The following RUBCN variants were observed in gnomAD, a reference collection of about 807,000 sequenced individuals.
The protein encoded by RUBCN is run domain Beclin-1-interacting and cysteine-rich domain-containing protein.
A neutral mutation model predicts 113.2 loss-of-function variants in RUBCN; 74 were observed. That is an observed-to-expected ratio of 0.65 (90% CI 0.54 to 0.79). RUBCN has a LOEUF of 0.79. Among genes scored for constraint, RUBCN ranks in the 30% least tolerant of loss-of-function variants. The pLI, the probability that RUBCN is intolerant of heterozygous loss-of-function variation, is 0.00. For missense variants in RUBCN, 1,109 were observed against 1,251.7 expected (o/e 0.89, Z 1.72); for synonymous variants, 480 against 490.0 (o/e 0.98, Z 0.27).
chr3:197,748,480 T>C (rs2109028581), intron 1 of RUBCN: 1 of 152,196 alleles, frequency 6.6e-6, no homozygotes, highest in Admixed American at 6.5e-5. Flanking sequence ...CATCTTAACC[T>C]TTGAGAATAA....
At position 197,670,062 on chromosome 3, in the gene RUBCN, T is replaced by C. The variant is rs972795415; in HGVS notation, c.*4956A>G. 7.9e-5 allele frequency among the ~76,000 whole-genome samples: 12 copies of C among 152,182 alleles called. No individual in the cohort carries two copies. The highest frequency in any genetic ancestry group is 1.6e-4 in the Non-Finnish European group (11 of 68,028). ...CGCCATCATGCCCAACTAGCTTTTG[T>C]ATTTTTAGTAGAGACAAGGTTTCAC... On this transcript the variant is annotated 3_prime_UTR_variant, in exon 20 of 20. Coordinates refer to ENST00000296343, the MANE Select transcript of RUBCN (RefSeq NM_014687.4).
intron 1 of RUBCN, among the ~76,000 whole-genome samples, chr3:197,719,134 A>G (rs931335102): frequency 5.3e-5 from 8 of 152,152 alleles, no homozygotes; most frequent in African/African-American, 1.9e-4. Context: ...GACTCTGCAT[A>G]CCTGTGTTCT....
intron 1 of RUBCN, among the ~76,000 whole-genome samples, chr3:197,719,453 G>A (rs1258833273): frequency 6.7e-6 from 1 of 148,876 alleles, no homozygotes; most frequent in East Asian, 2.0e-4. Flanking sequence ...ACTCCAGCCT[G>A]GGCAACAAGT....
intron 2 of RUBCN, among the ~76,000 whole-genome samples, chr3:197,708,871 A>G (rs974396437): frequency 2.0e-5 from 3 of 152,348 alleles, no homozygotes; most frequent in Non-Finnish European, 2.9e-5. Context: ...GTCACTATAA[A>G]GAGTTGATAC....
intron 13 of RUBCN, 99 bp from the exon 14 acceptor site, chr3:197,682,714 CA>C: frequency 6.6e-7 from 1 of 1,522,386 alleles, no homozygotes. Context: ...GAGAAAAACA[CA>C]GTTGGGGTAA....
intron 11 of RUBCN, among the ~76,000 whole-genome samples, chr3:197,688,770 G>A (rs943016167): frequency 2.0e-5 from 3 of 152,200 alleles, no homozygotes; most frequent in Admixed American, 6.5e-5. Context: ...AGTAGATGAC[G>A]TGAAAGACAC....
chr3:197,691,013 G>T, intron 11 of RUBCN: 1 of 903,868 alleles, frequency 1.1e-6, no homozygotes, highest in Non-Finnish European at 1.6e-6. Context: ...ATATACGAAA[G>T]CTGGTGCAAC....
Position 197,669,095 on chromosome 3 carries a change from A to C in RUBCN, c.*5923T>G, listed in dbSNP as rs1475. On this transcript the variant is annotated 3_prime_UTR_variant, in exon 20 of 20. Transcript: ENST00000296343. ...CTTAATCTGGAATAATTTTAGATCC[A>C]CAGTAAAGTTGCAAAGATAGTACAA... 6.6e-6 allele frequency among the ~76,000 whole-genome samples: 1 copy of C among 152,196 alleles called. No homozygotes were observed. Among genetic ancestry groups the C allele is most frequent in the African/African-American group, 2.4e-5 (1 of 41,428 alleles).
rs539076215 is a variant in RUBCN at position 197,692,543 on chromosome 3, A to G, written c.1786+1172T>C. 2.6e-5 allele frequency among the ~76,000 whole-genome samples: 4 copies of G among 151,956 alleles called. No homozygotes were observed. The East Asian group carries it at 5.8e-4, about 22-fold the overall frequency. On this transcript the variant is annotated intron_variant, in intron 11 of 19. Coordinates refer to ENST00000296343, the MANE Select transcript of RUBCN (RefSeq NM_014687.4). ...TCTGAAGCGGAATTAATTTCACAGG[A>G]CTGTAGCTGCAGGATCCGTGCTAAC...
intron 1 of RUBCN, among the ~76,000 whole-genome samples, chr3:197,746,063 T>C (rs942737278): frequency 2.6e-5 from 4 of 151,334 alleles, no homozygotes; most frequent in African/African-American, 9.7e-5. Flanking sequence ...AAGTATGAGG[T>C]TGAGAAGGTT....
At chr3:197,739,535 T>C (rs1167171826), upstream of RUBCN, among the ~76,000 whole-genome samples, 2 of 132,132 alleles carry the variant, frequency 1.5e-5, no homozygotes, top group Non-Finnish European at 3.2e-5. Flanking sequence ...CTACTAAAAA[T>C]ACAACAAAAA....
At chr3:197,677,371 G>A (rs1186418016) in intron 17 of RUBCN, 109 bp downstream of exon 17, 1 of 966,010 alleles carries the variant, frequency 1.0e-6, no homozygotes, top group Non-Finnish European at 1.7e-6. Flanking sequence ...TTACAGTTCT[G>A]CAAAATCTCT....
chr3:197,725,520 C>CTTTTTTTTTTTTTTT (rs10718685), intron 1 of RUBCN, among the ~76,000 whole-genome samples: 1 of 75,316 alleles, frequency 1.3e-5, no homozygotes, highest in African/African-American at 4.8e-5. Context: ...ACAGGAGAAT[C>CTTTTTTTTTTTTTTT]TTTTTTTTTT....
chr3:197,721,293 T>C (rs1726132774), intron 1 of RUBCN, among the ~76,000 whole-genome samples: 1 of 152,196 alleles, frequency 6.6e-6, no homozygotes, highest in African/African-American at 2.4e-5. Flanking sequence ...CATTACTCAT[T>C]ATTGGTGTGT....
chr3:197,692,551 T>C (rs1021098177), intron 11 of RUBCN, among the ~76,000 whole-genome samples: 1 of 151,960 alleles, frequency 6.6e-6, no homozygotes, highest in African/African-American at 2.4e-5. Flanking sequence ...GGACTGTAGC[T>C]GCAGGATCCG....
At chr3:197,677,304 C>T (rs1720549875) in intron 17 of RUBCN, among the ~76,000 whole-genome samples, 176 bp downstream of exon 17, 1 of 152,204 alleles carries the variant, frequency 6.6e-6, no homozygotes, top group African/African-American at 2.4e-5. Flanking sequence ...ACCACAGATC[C>T]CCTTCCAGAG....
chr3:197,701,356 A>G (rs149899462), intron 6 of RUBCN, among the ~76,000 whole-genome samples: 1 of 152,314 alleles, frequency 6.6e-6, no homozygotes, highest in Non-Finnish European at 1.5e-5. Context: ...CATCTGAAAA[A>G]TGAGCAGTAA....
At chr3:197,710,199 A>C (rs1389751883) in intron 2 of RUBCN, among the ~76,000 whole-genome samples, 2 of 151,786 alleles carry the variant, frequency 1.3e-5, no homozygotes, top group Admixed American at 1.3e-4. Context: ...ACAGTAGAAA[A>C]GCCCTTTCTA....
Position 197,694,417 on chromosome 3 carries a change from T to G in RUBCN, c.1642A>C (p.Thr548Pro). 1 of 1,614,248 alleles carries G rather than the reference T, an allele frequency of 6.2e-7. No homozygotes were observed. Among genetic ancestry groups the G allele is most frequent in the Non-Finnish European group, 8.5e-7 (1 of 1,180,048 alleles). ...TGGTACATGGGGAGCAGGTTCTTGG[T>G]GCGGATTTGCTGGCGCCGAAGGCGG... ...KIRLRRQQIRTKNLLPMYQEA... is the reference protein window; with the variant it reads ...KIRLRRQQIRPKNLLPMYQEA... Residue 548 changes from threonine to proline, a missense_variant, in exon 10 of 20, where the codon ACC becomes CCC. This residue lies in a region of RUBCN where 736 missense variants were observed against 779.6 expected (regional missense o/e 0.94). Coordinates refer to ENST00000296343, the MANE Select transcript of RUBCN (RefSeq NM_014687.4).
Sources: gnomAD v4.1 joint callset for allele counts (sites outside exome capture counted in the v4.1 genomes callset) on GRCh38, gnomAD v4.1.1 for gene constraint, gnomAD v4.1.1 regional missense constraint, MANE v1.5 for transcripts, NCBI Gene and HGNC (gene_info 2026-07-23, HGNC 2026-07-21) for gene names.